The following HIVEP3 variants were observed in gnomAD, a reference collection of about 807,000 sequenced individuals.
HIVEP3 encodes the protein HIVEP zinc finger 3.
A neutral mutation model predicts 152.8 loss-of-function variants in HIVEP3; 49 were observed. The ratio of observed to expected loss-of-function variants is 0.32; its 90% CI spans 0.26 to 0.41. HIVEP3 has a LOEUF of 0.41. Among genes scored for constraint, HIVEP3 ranks in the 10% least tolerant of loss-of-function variants. HIVEP3 has a pLI of 1.00. For missense variants in HIVEP3, 2,790 were observed against 3,103.3 expected (o/e 0.90, Z 2.40); for synonymous variants, 1,269 against 1,289.0 (o/e 0.98, Z 0.33).
intron 1 of HIVEP3, among the ~76,000 whole-genome samples, chr1:41,830,742 C>A (rs1019483171): frequency 6.6e-6 from 1 of 152,192 alleles, no homozygotes; most frequent in Non-Finnish European, 1.5e-5. Flanking sequence ...CCCTCTCCCC[C>A]ACCCTGTGTC....
intron 1 of HIVEP3, among the ~76,000 whole-genome samples, chr1:41,940,651 T>C (rs1158915762): frequency 2.0e-5 from 3 of 151,998 alleles, no homozygotes; most frequent in Non-Finnish European, 4.4e-5. Context: ...TCAATGTAAA[T>C]GCAAGAAACA....
intron 2 of HIVEP3, among the ~76,000 whole-genome samples, chr1:41,699,485 C>A (rs976536641): frequency 1.3e-5 from 2 of 152,216 alleles, no homozygotes; most frequent in African/African-American, 4.8e-5. Context: ...AAGAAGAAGG[C>A]TTCAGGGGCC....
intron 5 of HIVEP3, among the ~76,000 whole-genome samples, chr1:41,548,509 C>G (rs1643859892): frequency 6.6e-6 from 1 of 151,260 alleles, no homozygotes; most frequent in African/African-American, 2.4e-5. Context: ...AATACACAAC[C>G]TAAAATGTAC....
intron 1 of HIVEP3, among the ~76,000 whole-genome samples, chr1:41,838,057 G>A (rs1196477356): frequency 6.6e-6 from 1 of 152,146 alleles, no homozygotes; most frequent in African/African-American, 2.4e-5. Flanking sequence ...CTGCCCCTTT[G>A]ACACAGATGG....
At chr1:41,592,476 G>A (rs1171438925) in intron 3 of HIVEP3, among the ~76,000 whole-genome samples, 2 of 152,242 alleles carry the variant, frequency 1.3e-5, no homozygotes, top group African/African-American at 4.8e-5. Flanking sequence ...ACCTTAAGCT[G>A]AGGAGAATTC....
At chr1:41,858,276 G>A (rs577139545) in intron 1 of HIVEP3, among the ~76,000 whole-genome samples, 8 of 152,198 alleles carry the variant, frequency 5.3e-5, no homozygotes, top group East Asian at 1.9e-4. Flanking sequence ...CTTCTAGGCC[G>A]GTGATCCCCA....
rs138119081 is a variant in HIVEP3, at chr1:41,905,400, G to T, written c.-801+13013C>A. Among the ~76,000 whole-genome samples, 52 of 152,300 alleles carry T rather than the reference G, an allele frequency of 3.4e-4. No homozygotes were observed. In the East Asian group the frequency reaches 4.6e-3, roughly 14 times the overall value. On this transcript the variant is annotated intron_variant, in intron 1 of 8. Coordinates refer to ENST00000372583, the MANE Select transcript of HIVEP3 (RefSeq NM_024503.5). ...CAGGGTGCCAGGCAACAGAGCAGTTGATGGAGACAGTTCCAGTGCCATTAT... is the reference window on the plus strand; with the variant it reads ...CAGGGTGCCAGGCAACAGAGCAGTTTATGGAGACAGTTCCAGTGCCATTAT...
intron 1 of HIVEP3, among the ~76,000 whole-genome samples, chr1:41,755,626 C>A (rs574352945): frequency 4.8e-5 from 7 of 145,600 alleles, no homozygotes; most frequent in African/African-American, 1.5e-4. Flanking sequence ...AAAAAACACC[C>A]AAAACAATAA....
chr1:41,991,067 C>T (rs1326646349), intron 1 of HIVEP3, among the ~76,000 whole-genome samples: 1 of 146,452 alleles, frequency 6.8e-6, no homozygotes, highest in Non-Finnish European at 1.5e-5. Flanking sequence ...CCAAAATTGA[C>T]ACCCTAACAT....
At chr1:41,640,272 G>A (rs1239727797) in intron 2 of HIVEP3, among the ~76,000 whole-genome samples, 34 of 151,698 alleles carry the variant, frequency 2.2e-4, no homozygotes, top group Admixed American at 5.3e-4. Flanking sequence ...CTGCTGGGGC[G>A]GGGGTTGGGG....
intron 1 of HIVEP3, among the ~76,000 whole-genome samples, chr1:41,815,909 C>T (rs147834499): frequency 3.3e-5 from 5 of 152,020 alleles, no homozygotes; most frequent in African/African-American, 7.2e-5. Flanking sequence ...AGCTGGAGAA[C>T]CACATCCCCA....
intron 1 of HIVEP3, among the ~76,000 whole-genome samples, chr1:41,810,901 G>A (rs1469605401): frequency 6.6e-6 from 1 of 152,104 alleles, no homozygotes; most frequent in Non-Finnish European, 1.5e-5. Flanking sequence ...GCCTGTAATG[G>A]CCCTGAAGCC....
intron 5 of HIVEP3, among the ~76,000 whole-genome samples, chr1:41,545,612 C>CACCACCACCAAT (rs1643766307): frequency 7.2e-6 from 1 of 138,138 alleles, no homozygotes; most frequent in African/African-American, 2.8e-5. Context: ...CCACCATCAC[C>CACCACCACCAAT]ACCACTACCA....
chr1:41,722,285 GC>G (rs1646684808), intron 1 of HIVEP3, among the ~76,000 whole-genome samples: 2 of 152,200 alleles, frequency 1.3e-5, no homozygotes, highest in Non-Finnish European at 2.9e-5. Flanking sequence ...CTAGCTCCCA[GC>G]ACAGGCCTGG....
chr1:41,904,117 G>A (rs190289814), intron 1 of HIVEP3, among the ~76,000 whole-genome samples: 13 of 152,026 alleles, frequency 8.6e-5, no homozygotes, highest in East Asian at 5.8e-4. Flanking sequence ...GGCTAATCTC[G>A]AACTCATGGC....
chr1:41,726,762 G>T (rs1646758121), intron 1 of HIVEP3, among the ~76,000 whole-genome samples: 1 of 152,192 alleles, frequency 6.6e-6, no homozygotes, highest in Admixed American at 6.5e-5. Context: ...GTGGAGGCTG[G>T]CAGGTCTCAG....
At chr1:41,845,415 A>ACGCG (rs775873575) in intron 1 of HIVEP3, among the ~76,000 whole-genome samples, 3 of 92,194 alleles carry the variant, frequency 3.3e-5, no homozygotes, top group African/African-American at 1.8e-4. Flanking sequence ...ACACACACAC[A>ACGCG]CACGCACACA....
rs141311824 is a variant in HIVEP3 at position 41,802,465 on chromosome 1, C to T, written c.-800-101470G>A. 7.7e-4 allele frequency among the ~76,000 whole-genome samples: 117 copies of T among 152,300 alleles called. 1 individual carries two copies. The East Asian group carries it at 0.021, about 27-fold the overall frequency. On this transcript the variant is annotated intron_variant, in intron 1 of 8. Coordinates refer to ENST00000372583, the MANE Select transcript of HIVEP3 (RefSeq NM_024503.5). ...TCCTGGGCTCAAGCAGTCCTCCTAC[C>T]TCAGCCTCCTAAAATGCTGGGATTA...
At chr1:41,970,112 T>C (rs564916368) in intron 1 of HIVEP3, among the ~76,000 whole-genome samples, 2 of 152,328 alleles carry the variant, frequency 1.3e-5, no homozygotes, top group East Asian at 1.9e-4. Context: ...AGTTCAACCA[T>C]TGTGGAAGAC....
Sources: gnomAD v4.1 joint callset for allele counts (sites outside exome capture counted in the v4.1 genomes callset) on GRCh38, gnomAD v4.1.1 for gene constraint, MANE v1.5 for transcripts, NCBI Gene and HGNC (gene_info 2026-07-23, HGNC 2026-07-21) for gene names.